The following DIP2B variants were observed in gnomAD, a reference collection of about 807,000 sequenced individuals.
The protein encoded by DIP2B is disco-interacting protein 2 homolog B.
A neutral mutation model predicts 198.0 loss-of-function variants in DIP2B; 76 were observed. The ratio of observed to expected loss-of-function variants is 0.38; its 90% CI spans 0.32 to 0.46. DIP2B has a LOEUF of 0.46. Among genes scored for constraint, DIP2B ranks in the 20% least tolerant of loss-of-function variants. The pLI, the probability that DIP2B is intolerant of heterozygous loss-of-function variation, is 0.99. For synonymous variants in DIP2B, 701 were observed against 739.1 expected (o/e 0.95, Z 0.84); for missense variants, 1,559 against 1,978.4 (o/e 0.79, Z 4.02).
At chr12:50,722,750 C>G (rs1939865453) in intron 26 of DIP2B, among the ~76,000 whole-genome samples, 2 of 152,320 alleles carry the variant, frequency 1.3e-5, no homozygotes, top group Middle Eastern at 3.4e-3. Flanking sequence ...CTGAGTCACA[C>G]TTTGCTCCCT....
chr12:50,625,829 C>T, intron 1 of DIP2B, 147 bp from the exon 2 acceptor site: 1 of 772,658 alleles, frequency 1.3e-6, no homozygotes, highest in Non-Finnish European at 2.1e-6. Context: ...ATAGCAAAAT[C>T]CTTGGCAAAG....
rs560713781 is a variant in DIP2B at position 50,596,833 on chromosome 12, C to T, written c.101-29143C>T. 3.3e-5 allele frequency among the ~76,000 whole-genome samples: 5 copies of T among 152,216 alleles called. No homozygotes were observed. In the South Asian group the frequency reaches 6.2e-4, roughly 19 times the overall value. ...AAGATATTTAGATAAATCTTATTTA[C>T]GTGTTTTTAAAAATAGCTGTCACTT... On this transcript the variant is annotated intron_variant, in intron 1 of 37. Transcript: ENST00000301180.
chr12:50,747,625 T>C lies in DIP2B; in HGVS notation c.*2786T>C, dbSNP rs780833392. 2.6e-5 allele frequency: 4 copies of C among 152,252 alleles called. No individual in the cohort carries two copies. The highest frequency in any genetic ancestry group is 6.5e-5 in the Admixed American group (1 of 15,280). The allele number at this position is 152,252 out of a possible 1,614,324, so 9.4% of individuals were successfully genotyped here. A position where few individuals can be genotyped will look rare whatever the true frequency, so the allele number is the denominator to read the frequency against. The stretch of plus-strand genomic sequence containing the variant: ...ACTCTATCCACATTAAGTAGCACTT[T>C]TGTGGTAGAACTGATTCTTAAGGCA... On this transcript the variant is annotated 3_prime_UTR_variant, in exon 38 of 38. Coordinates refer to ENST00000301180, the MANE Select transcript of DIP2B (RefSeq NM_173602.3).
At chr12:50,628,728 A>G (rs1344114773) in intron 2 of DIP2B, among the ~76,000 whole-genome samples, 1 of 152,134 alleles carries the variant, frequency 6.6e-6, no homozygotes, top group African/African-American at 2.4e-5. Flanking sequence ...ACTGCTCAGA[A>G]CTGTCTATAC....
At chr12:50,690,449 G>C (rs1177294734) in intron 12 of DIP2B, among the ~76,000 whole-genome samples, 1 of 152,152 alleles carries the variant, frequency 6.6e-6, no homozygotes, top group Non-Finnish European at 1.5e-5. Context: ...TACTCAGGAG[G>C]CTGAGCTGGG....
intron 35 of DIP2B, 128 bp from the exon 36 acceptor site, chr12:50,739,281 C>T (rs1399406069): frequency 9.8e-7 from 1 of 1,021,890 alleles, no homozygotes; most frequent in Non-Finnish European, 1.4e-6. Flanking sequence ...TGTCAGCTGC[C>T]TTTATTGATG....
intron 28 of DIP2B, among the ~76,000 whole-genome samples, chr12:50,727,365 A>G (rs551951705): frequency 2.0e-5 from 3 of 152,244 alleles, no homozygotes; most frequent in Non-Finnish European, 2.9e-5. Flanking sequence ...AAAAGAAAAC[A>G]GACACAAAGA....
At chr12:50,717,236 C>T (rs939022619) in intron 23 of DIP2B, among the ~76,000 whole-genome samples, 13 of 151,588 alleles carry the variant, frequency 8.6e-5, no homozygotes, top group South Asian at 2.1e-4. Flanking sequence ...CAAGCCACCA[C>T]GCCTGGCCTT....
At chr12:50,519,346 C>T (rs1238889009) in intron 1 of DIP2B, among the ~76,000 whole-genome samples, 1 of 152,186 alleles carries the variant, frequency 6.6e-6, no homozygotes, top group Non-Finnish European at 1.5e-5. Context: ...AGCGATCCTC[C>T]CTCCTTGGCC....
intron 3 of DIP2B, among the ~76,000 whole-genome samples, chr12:50,650,661 T>A (rs1938437478): frequency 6.6e-6 from 1 of 152,220 alleles, no homozygotes; most frequent in Non-Finnish European, 1.5e-5. Flanking sequence ...TAAGACTGAA[T>A]AATATTTCCT....
intron 1 of DIP2B, among the ~76,000 whole-genome samples, chr12:50,549,095 A>G (rs1958402359): frequency 6.6e-6 from 1 of 151,978 alleles, no homozygotes; most frequent in Non-Finnish European, 1.5e-5. Flanking sequence ...CTTTGAGTAC[A>G]GCTGCTTCGG....
intron 1 of DIP2B, among the ~76,000 whole-genome samples, chr12:50,551,294 C>T (rs984530567): frequency 4.6e-5 from 7 of 152,038 alleles, no homozygotes; most frequent in Admixed American, 1.3e-4. Context: ...CATAGTGGCA[C>T]GTGCTGGTAA....
chr12:50,509,329 T>G (rs142722427), intron 1 of DIP2B, among the ~76,000 whole-genome samples: 13 of 152,366 alleles, frequency 8.5e-5, no homozygotes, highest in African/African-American at 2.9e-4. Flanking sequence ...ATTTAGCCTG[T>G]GCAGTTCAGC....
chr12:50,675,297 G>A (rs905000595), intron 6 of DIP2B, 32 bp from the exon 7 acceptor site: 1 of 1,604,020 alleles, frequency 6.2e-7, no homozygotes, highest in Non-Finnish European at 8.5e-7. Context: ...TACAGTCAAT[G>A]AATTTTAACT....
intron 31 of DIP2B, 92 bp downstream of exon 31, chr12:50,731,629 T>C (rs1940044272): frequency 3.5e-6 from 5 of 1,423,930 alleles, no homozygotes; most frequent in South Asian, 1.6e-5. Flanking sequence ...CTAACAGACA[T>C]GTTTGCTTGC....
chr12:50,679,194 T>A, intron 8 of DIP2B: 1 of 270,894 alleles, frequency 3.7e-6, no homozygotes, highest in Non-Finnish European at 7.1e-6. Context: ...GATGGTTTTA[T>A]CTAACAGTTG....
chr12:50,702,028 C>T (rs565540163), intron 19 of DIP2B, among the ~76,000 whole-genome samples: 1 of 152,176 alleles, frequency 6.6e-6, no homozygotes, highest in African/African-American at 2.4e-5. Flanking sequence ...CTTTGAGAGG[C>T]TGAGGTGGGT....
chr12:50,560,826 C>T (rs1958513699), intron 1 of DIP2B, among the ~76,000 whole-genome samples: 1 of 152,172 alleles, frequency 6.6e-6, no homozygotes, highest in Non-Finnish European at 1.5e-5. Context: ...TCTCAATTTA[C>T]AGCCTGATGA....
intron 1 of DIP2B, among the ~76,000 whole-genome samples, chr12:50,517,897 G>GT (rs1958080059): frequency 6.6e-6 from 1 of 152,066 alleles, no homozygotes; most frequent in African/African-American, 2.4e-5. Context: ...TTTCGTTCCA[G>GT]TTTCCTTTTC....
Sources: allele counts gnomAD v4.1 joint callset (sites outside exome capture counted in the v4.1 genomes callset), GRCh38; gene constraint gnomAD v4.1.1; transcripts MANE v1.5; gene names NCBI Gene and HGNC (gene_info 2026-07-23, HGNC 2026-07-21).